Variants in BYSL observed in about 807,000 individuals in gnomAD.
BYSL encodes the protein bystin.
A neutral mutation model predicts 45.4 loss-of-function variants in BYSL; 21 were observed. That is an observed-to-expected ratio of 0.46 (90% CI 0.33 to 0.67). The LOEUF (loss-of-function observed/expected upper bound fraction) is 0.67, where lower values mean the gene tolerates loss of function less well. Among genes scored for constraint, BYSL ranks in the 30% least tolerant of loss-of-function variants. The pLI is 0.02. For synonymous variants in BYSL, 215 were observed against 231.3 expected (o/e 0.93, Z 0.64); for missense variants, 522 against 578.5 (o/e 0.90, Z 1.00).
Position 41,927,542 on chromosome 6 carries a change from C to G in BYSL, c.431+6C>G, listed in dbSNP as rs753417642. On this transcript the variant is annotated splice_donor_region_variant and intron_variant, in intron 2 of 6. Coordinates refer to ENST00000230340, the MANE Select transcript of BYSL (RefSeq NM_004053.4). ...AACAAGAACCCTCCTGCCAGGTAGGCCTGGGGATTTGGGATAATGAGTCCT... is the reference window on the plus strand; with the variant it reads ...AACAAGAACCCTCCTGCCAGGTAGGGCTGGGGATTTGGGATAATGAGTCCT... The G allele has an allele frequency of 3.1e-6, 5 of 1,613,310 alleles. No homozygotes were observed. In the Admixed American group the frequency reaches 5.0e-5, roughly 16 times the overall value.
the BYSL span, among the ~76,000 whole-genome samples, chr6:41,910,961 T>C: frequency 2.0e-5 from 3 of 151,524 alleles, no homozygotes; most frequent in African/African-American, 7.3e-5. Flanking sequence ...ACACAGAAAT[T>C]AGCCAGGCAT....
chr6:41,922,189 G>C (rs371368730), intron 1 of BYSL, among the ~76,000 whole-genome samples: 19 of 152,166 alleles, frequency 1.2e-4, no homozygotes, highest in African/African-American at 4.1e-4. Flanking sequence ...TCTAACTTAA[G>C]GACCTTACAG....
At position 41,927,464 on chromosome 6, in the gene BYSL, A is replaced by C. The variant is rs571820293; in HGVS notation, c.359A>C (p.His120Pro). Residue 120 changes from histidine (H) to proline (P), a missense_variant, in exon 2 of 7, where the codon CAT becomes CCT. Physicochemically the swap from His to Pro is moderately conservative, Grantham distance 77 (BLOSUM62 -2). Transcript: ENST00000230340. The part of the protein sequence containing the change: ...KAATMTAAGH[H>P]AEVVVDPEDE... ...GCCACAATGACAGCAGCGGGCCATC[A>C]TGCAGAGGTGGTTGTGGACCCTGAG... 3.7e-6 allele frequency: 6 copies of C among 1,614,222 alleles called. No homozygotes were observed. The highest frequency in any genetic ancestry group is 5.1e-6 in the Non-Finnish European group (6 of 1,180,024).
chr6:41,921,693 A>C lies in BYSL; in HGVS notation c.131A>C (p.Glu44Ala), dbSNP rs1214533099. Residue 44 changes from glutamate to alanine, a missense_variant, in exon 1 of 7, where the codon GAA (glutamate) becomes GCA (alanine). Transcript: ENST00000230340. ...REKRRGRGTG[E>A]AEEEYVGPRL... ...AAGCGGCGGGGTCGCGGGACAGGAGAAGCGGAGGAAGAGTATGTGGGGCCC... is the reference window on the plus strand; with the variant it reads ...AAGCGGCGGGGTCGCGGGACAGGAGCAGCGGAGGAAGAGTATGTGGGGCCC... 6.2e-7 allele frequency: 1 copy of C among 1,612,546 alleles called. No homozygotes were observed. Among genetic ancestry groups the C allele is most frequent in the Non-Finnish European group, 8.5e-7 (1 of 1,179,588 alleles).
chr6:41,912,987 G>A, the BYSL span: 2 of 151,992 alleles, frequency 1.3e-5, no homozygotes, highest in Admixed American at 6.6e-5. Context: ...GCACGCACCT[G>A]TGGCCCCAGC....
chr6:41,909,504 A>C, the BYSL span: 19 of 1,614,212 alleles, frequency 1.2e-5, no homozygotes, highest in Non-Finnish European at 1.6e-5. Flanking sequence ...CATCACATAC[A>C]TCAGCTTCCC....
At chr6:41,928,541 A>G (rs1285718381) in intron 2 of BYSL, among the ~76,000 whole-genome samples, 1 of 152,186 alleles carries the variant, frequency 6.6e-6, no homozygotes, top group African/African-American at 2.4e-5. Flanking sequence ...GATAATGCTG[A>G]CCAATTTAGC....
upstream of BYSL, chr6:41,916,868 T>G (rs1197404548): frequency 1.2e-6 from 2 of 1,613,914 alleles, no homozygotes; most frequent in Non-Finnish European, 1.7e-6. Flanking sequence ...CCCAAGCATC[T>G]CCAATTTCCG....
chr6:41,911,694 G>A, the BYSL span, among the ~76,000 whole-genome samples: 5 of 152,248 alleles, frequency 3.3e-5, no homozygotes, highest in Admixed American at 6.5e-5. Flanking sequence ...GTGCGAGGGC[G>A]GCGAGAGCAG....
rs185774115 is a variant in BYSL at position 41,930,355 on chromosome 6, A to G, written c.570+85A>G. On this transcript the variant is annotated intron_variant, in intron 3 of 6. Coordinates refer to ENST00000230340, the MANE Select transcript of BYSL (RefSeq NM_004053.4). ...ACAGGCTTTTTTGCCTTTTGCCTGC[A>G]TCACATACTAAAGAAGTCATGGGAG... 5.8e-5 allele frequency: 88 copies of G among 1,521,242 alleles called. No homozygotes were observed. The East Asian group carries it at 1.9e-3, about 33-fold the overall frequency. 94.2% of individuals were successfully genotyped at this position (1,521,242 alleles called of 1,614,324 possible).
At chr6:41,910,099 G>C in the BYSL span, among the ~76,000 whole-genome samples, 1 of 152,076 alleles carries the variant, frequency 6.6e-6, no homozygotes, top group Non-Finnish European at 1.5e-5. Context: ...CATGCCTCAA[G>C]AAGTTTAGAC....
upstream of BYSL, among the ~76,000 whole-genome samples, chr6:41,919,180 G>T (rs2127382017): frequency 6.7e-6 from 1 of 150,332 alleles, no homozygotes; most frequent in Admixed American, 6.6e-5. Context: ...GCACAAAGAG[G>T]TTAAATAACT....
chr6:41,917,031 G>C (rs954117945), upstream of BYSL: 7 of 1,341,626 alleles, frequency 5.2e-6, no homozygotes, highest in Non-Finnish European at 7.3e-6. Context: ...AGCTCATCAG[G>C]GCCAAAAGTT....
chr6:41,912,946 A>T, the BYSL span: 1 of 151,934 alleles, frequency 6.6e-6, no homozygotes, highest in Non-Finnish European at 1.5e-5. Context: ...TGACTCTACA[A>T]AAAAAATCAA....
At chr6:41,922,568 T>G (rs768498407) in intron 1 of BYSL, among the ~76,000 whole-genome samples, 1 of 152,230 alleles carries the variant, frequency 6.6e-6, no homozygotes, top group Non-Finnish European at 1.5e-5. Context: ...ACTCCTGTTT[T>G]ACTGCCACCT....
At chr6:41,919,755 C>T (rs1230553665), upstream of BYSL, among the ~76,000 whole-genome samples, 1 of 152,090 alleles carries the variant, frequency 6.6e-6, no homozygotes, top group African/African-American at 2.4e-5. Flanking sequence ...AACAGCAAGA[C>T]CCCATTTCTA....
chr6:41,909,323 C>G, the BYSL span: 6 of 1,614,130 alleles, frequency 3.7e-6, no homozygotes, highest in African/African-American at 8.0e-5. Context: ...CCACCTTCAC[C>G]AGGAAGTCAC....
At chr6:41,930,305 C>G (rs1328822496) in intron 3 of BYSL, 35 bp downstream of exon 3, 2 of 1,598,574 alleles carry the variant, frequency 1.3e-6, no homozygotes, top group Non-Finnish European at 1.7e-6. Flanking sequence ...GTGGAAGACC[C>G]CTTTGGGGGC....
the BYSL span, chr6:41,909,396 T>C: frequency 1.2e-6 from 2 of 1,614,184 alleles, no homozygotes; most frequent in East Asian, 2.2e-5. Flanking sequence ...GAAAAAGCCC[T>C]TGAGCTTCAC....
Sources: gnomAD v4.1 joint callset for allele counts (sites outside exome capture counted in the v4.1 genomes callset) on GRCh38, gnomAD v4.1.1 for gene constraint, MANE v1.5 for transcripts, NCBI Gene and HGNC (gene_info 2026-07-23, HGNC 2026-07-21) for gene names.